Variants in CSMD1 observed in about 807,000 individuals in gnomAD.
The protein encoded by CSMD1 is CUB and sushi domain-containing protein 1.
CSMD1 carries 213 observed loss-of-function variants against 417.5 expected under a neutral mutation model. That is an observed-to-expected ratio of 0.51 (90% CI 0.46 to 0.57). The LOEUF (loss-of-function observed/expected upper bound fraction) is 0.57. Ranked by LOEUF, CSMD1 falls within the 20% of genes least tolerant of loss-of-function variation. CSMD1 has a pLI of 0.00. For missense variants in CSMD1, 6,923 were observed against 4,529.7 expected (o/e 1.53, Z -15.17); for synonymous variants, 2,862 against 1,736.8 (o/e 1.65, Z -16.11).
intron 5 of CSMD1, among the ~76,000 whole-genome samples, chr8:3,870,080 T>C (rs1805375733): frequency 2.0e-5 from 3 of 151,628 alleles, no homozygotes; most frequent in Non-Finnish European, 1.5e-5. Context: ...GGTATAATGA[T>C]TATTAAGTTA....
At chr8:3,770,687 T>C (rs1798518428) in intron 5 of CSMD1, among the ~76,000 whole-genome samples, 2 of 152,118 alleles carry the variant, frequency 1.3e-5, no homozygotes, top group South Asian at 4.1e-4. Flanking sequence ...CCCAACACCT[T>C]GTGATCTAAT....
At chr8:4,601,438 G>A (rs912547236) in intron 2 of CSMD1, among the ~76,000 whole-genome samples, 3 of 152,142 alleles carry the variant, frequency 2.0e-5, no homozygotes, top group Non-Finnish European at 4.4e-5. Flanking sequence ...CACTTCTACA[G>A]GGATCATCTC....
intron 1 of CSMD1, among the ~76,000 whole-genome samples, chr8:4,868,759 T>C (rs1053509982): frequency 1.4e-5 from 2 of 141,980 alleles, no homozygotes; most frequent in Non-Finnish European, 3.0e-5. Context: ...CTGTCAAATA[T>C]TGGCTGTGTA....
chr8:4,939,971 G>C (rs897564763), intron 1 of CSMD1, among the ~76,000 whole-genome samples: 2 of 152,238 alleles, frequency 1.3e-5, no homozygotes, highest in East Asian at 1.9e-4. Flanking sequence ...GGGAAAACTT[G>C]AAAAATCTTC....
intron 3 of CSMD1, among the ~76,000 whole-genome samples, chr8:4,095,302 G>A (rs952141446): frequency 1.3e-5 from 2 of 152,022 alleles, no homozygotes; most frequent in African/African-American, 4.8e-5. Context: ...TATCAATTCT[G>A]TTATTACCTG....
intron 7 of CSMD1, among the ~76,000 whole-genome samples, chr8:3,657,468 G>A (rs1798187624): frequency 6.6e-6 from 1 of 152,074 alleles, no homozygotes; most frequent in South Asian, 2.1e-4. Context: ...ATGATAGACT[G>A]GATAAAGAAA....
At chr8:4,921,498 A>T (rs1806497342) in intron 1 of CSMD1, among the ~76,000 whole-genome samples, 1 of 152,248 alleles carries the variant, frequency 6.6e-6, no homozygotes, top group South Asian at 2.1e-4. Context: ...TCTGTATGTA[A>T]GTTTGTGATG....
chr8:3,692,787 C>G (rs1433392330), intron 7 of CSMD1, among the ~76,000 whole-genome samples: 2 of 152,160 alleles, frequency 1.3e-5, no homozygotes, highest in Admixed American at 6.5e-5. Flanking sequence ...TTACTATAGG[C>G]TATTCTGAGA....
intron 8 of CSMD1, among the ~76,000 whole-genome samples, chr8:3,596,882 C>G (rs1448277682): frequency 6.6e-6 from 1 of 152,192 alleles, no homozygotes; most frequent in Non-Finnish European, 1.5e-5. Flanking sequence ...TTGCACCCTA[C>G]AGAAGTTGGC....
intron 6 of CSMD1, among the ~76,000 whole-genome samples, chr8:3,717,740 T>C (rs900812009): frequency 6.6e-6 from 1 of 152,218 alleles, no homozygotes. Context: ...ATATTTATTA[T>C]TCTGCCTTTA....
At chr8:3,316,228 T>C (rs1416253248) in intron 23 of CSMD1, among the ~76,000 whole-genome samples, 1 of 152,330 alleles carries the variant, frequency 6.6e-6, no homozygotes, top group African/African-American at 2.4e-5. Flanking sequence ...GCTAACTATA[T>C]ACTGTATGTA....
intron 5 of CSMD1, among the ~76,000 whole-genome samples, chr8:3,994,111 T>G (rs566027733): frequency 1.3e-5 from 2 of 152,302 alleles, no homozygotes; most frequent in African/African-American, 4.8e-5. Context: ...TGAAGCTCAG[T>G]CATGGAAGTT....
chr8:4,196,078 A>G (rs947479815), intron 3 of CSMD1, among the ~76,000 whole-genome samples: 1 of 152,032 alleles, frequency 6.6e-6, no homozygotes, highest in Non-Finnish European at 1.5e-5. Flanking sequence ...GGGCGTGGTG[A>G]CGGGCGCCTG....
At chr8:3,660,914 T>A (rs1798383687) in intron 7 of CSMD1, among the ~76,000 whole-genome samples, 1 of 152,184 alleles carries the variant, frequency 6.6e-6, no homozygotes, top group Non-Finnish European at 1.5e-5. Context: ...TGCTCCCAAT[T>A]CATAGAAGTT....
chr8:3,653,270 G>A (rs1031719340), intron 7 of CSMD1, among the ~76,000 whole-genome samples: 5 of 152,110 alleles, frequency 3.3e-5, no homozygotes, highest in East Asian at 3.9e-4. Flanking sequence ...AGTTAGGGAT[G>A]GCTGGAAAAA....
At chr8:3,494,710 G>C (rs1448961958) in intron 10 of CSMD1, among the ~76,000 whole-genome samples, 1 of 133,200 alleles carries the variant, frequency 7.5e-6, no homozygotes, top group Non-Finnish European at 1.7e-5. Context: ...GAGAGAGAGA[G>C]ATGTAACAAG....
intron 3 of CSMD1, among the ~76,000 whole-genome samples, chr8:4,309,754 ATTAACGTT>A (rs1202483593): frequency 6.6e-6 from 1 of 152,152 alleles, no homozygotes; most frequent in Non-Finnish European, 1.5e-5. Flanking sequence ...GTCTATTGAT[ATTAACGTT>A]TTACTAGATC....
intron 3 of CSMD1, among the ~76,000 whole-genome samples, chr8:4,159,801 G>T (rs1296850584): frequency 2.6e-5 from 4 of 152,140 alleles, no homozygotes; most frequent in Non-Finnish European, 5.9e-5. Flanking sequence ...TGTTAGCCAG[G>T]ATAGGGAGAC....
intron 3 of CSMD1, among the ~76,000 whole-genome samples, chr8:4,092,857 T>C (rs1362294167): frequency 6.6e-6 from 1 of 152,192 alleles, no homozygotes; most frequent in Non-Finnish European, 1.5e-5. Flanking sequence ...TGAATAATCA[T>C]TATAAGTAGA....
Sources: gnomAD v4.1 joint callset for allele counts (sites outside exome capture counted in the v4.1 genomes callset) on GRCh38, gnomAD v4.1.1 for gene constraint, MANE v1.5 for transcripts, NCBI Gene and HGNC (gene_info 2026-07-23, HGNC 2026-07-21) for gene names.